PRRX1: variants seen among roughly 807,000 people sequenced by gnomAD.
PRRX1 encodes the protein paired related homeobox 1.
In PRRX1, 8 loss-of-function variants were observed where a neutral mutation model predicts 24.0. The observed-to-expected ratio is 0.33, with a 90% CI of 0.20 to 0.60. The LOEUF (loss-of-function observed/expected upper bound fraction) is 0.60. Among genes scored for constraint, PRRX1 ranks in the 20% least tolerant of loss-of-function variants. PRRX1 has a pLI of 0.82. For synonymous variants in PRRX1, 160 were observed against 131.7 expected (o/e 1.22, Z -1.47); for missense variants, 281 against 322.4 (o/e 0.87, Z 0.98).
intron 1 of PRRX1, among the ~76,000 whole-genome samples, chr1:170,689,835 T>C (rs1445690206): frequency 3.4e-5 from 2 of 59,600 alleles, no homozygotes; most frequent in South Asian, 5.9e-4. Flanking sequence ...TCTCTCTCTC[T>C]CTCCCTCTCT....
At chr1:170,702,002 G>A (rs1013511034) in intron 1 of PRRX1, among the ~76,000 whole-genome samples, 2 of 152,044 alleles carry the variant, frequency 1.3e-5, no homozygotes, top group Admixed American at 1.3e-4. Context: ...TCCATGGATG[G>A]GGGAAGGCGG....
chr1:170,723,834 G>A (rs1353897464), intron 2 of PRRX1, among the ~76,000 whole-genome samples: 2 of 152,198 alleles, frequency 1.3e-5, no homozygotes, highest in Non-Finnish European at 2.9e-5. Flanking sequence ...TTACTCTACT[G>A]AATAGTGTAG....
At chr1:170,677,549 A>T (rs902655659) in intron 1 of PRRX1, among the ~76,000 whole-genome samples, 1 of 152,248 alleles carries the variant, frequency 6.6e-6, no homozygotes, top group African/African-American at 2.4e-5. Context: ...GTTGGAGGCC[A>T]TTTAGTGCCA....
intron 1 of PRRX1, among the ~76,000 whole-genome samples, chr1:170,682,675 T>C (rs1223821980): frequency 6.6e-6 from 1 of 152,222 alleles, no homozygotes; most frequent in Non-Finnish European, 1.5e-5. Context: ...GTCATTATGC[T>C]AGGTTCTGGG....
chr1:170,692,274 T>C (rs1279768830), intron 1 of PRRX1, among the ~76,000 whole-genome samples: 1 of 152,122 alleles, frequency 6.6e-6, no homozygotes, highest in African/African-American at 2.4e-5. Flanking sequence ...TAAATCCTTA[T>C]GGGGTAAGAA....
At chr1:170,708,065 C>T (rs537587357) in intron 1 of PRRX1, among the ~76,000 whole-genome samples, 1 of 152,226 alleles carries the variant, frequency 6.6e-6, no homozygotes, top group South Asian at 2.1e-4. Context: ...TTTCTTAGGT[C>T]TTTCCTTCAT....
chr1:170,690,688 A>T (rs1289485703), intron 1 of PRRX1, among the ~76,000 whole-genome samples: 2 of 140,006 alleles, frequency 1.4e-5, no homozygotes, highest in Non-Finnish European at 1.6e-5. Context: ...TATAAATTAG[A>T]CTTTAAGTAT....
intron 1 of PRRX1, chr1:170,668,607 A>C (rs1653033819): frequency 6.6e-6 from 1 of 152,194 alleles, no homozygotes; most frequent in African/African-American, 2.4e-5. Flanking sequence ...TTGCTTGCCC[A>C]ATCTACCAGC....
Position 170,739,198 on chromosome 1 carries a change from C to T in PRRX1, c.*3012C>T, listed in dbSNP as rs1655716243. The T allele has an allele frequency of 4.9e-6, 1 of 204,492 alleles. No individual in the cohort carries two copies. The highest frequency in any genetic ancestry group is 2.3e-5 in the African/African-American group (1 of 43,850). 12.7% of individuals were successfully genotyped at this position (204,492 alleles called of 1,614,324 possible). A position where few individuals can be genotyped will look rare whatever the true frequency, so the allele number is the denominator to read the frequency against. On this transcript the variant is annotated 3_prime_UTR_variant, in exon 4 of 4. Transcript: ENST00000239461. ...CCTGTGTCCTCAATCTCCCTTCAAA[C>T]AAGATGCTGATTTGTAGGGTACTTG...
intron 1 of PRRX1, among the ~76,000 whole-genome samples, chr1:170,697,520 G>C (rs1571329735): frequency 6.6e-6 from 1 of 151,576 alleles, no homozygotes; most frequent in African/African-American, 2.4e-5. Flanking sequence ...GCATCATTCA[G>C]AGGTTTTTCT....
At chr1:170,681,050 A>C (rs1209445893) in intron 1 of PRRX1, among the ~76,000 whole-genome samples, 1 of 152,180 alleles carries the variant, frequency 6.6e-6, no homozygotes, top group African/African-American at 2.4e-5. Flanking sequence ...GATTCCACTT[A>C]ACTTGTGCCT....
chr1:170,666,428 A>AAAAAAAAAAAAG (rs1652934810), intron 1 of PRRX1, among the ~76,000 whole-genome samples: 1 of 151,508 alleles, frequency 6.6e-6, no homozygotes, highest in African/African-American at 2.4e-5. Flanking sequence ...AAAAAAAAAA[A>AAAAAAAAAAAAG]AAAAAAAAAA....
intron 1 of PRRX1, among the ~76,000 whole-genome samples, chr1:170,695,844 T>C (rs1056924150): frequency 2.0e-5 from 3 of 151,904 alleles, no homozygotes; most frequent in East Asian, 3.9e-4. Flanking sequence ...ATGCTTTTTT[T>C]CCCCCCCTCT....
chr1:170,709,881 T>A (rs1034340100), intron 1 of PRRX1, among the ~76,000 whole-genome samples: 12 of 152,214 alleles, frequency 7.9e-5, no homozygotes, highest in Non-Finnish European at 2.9e-5. Context: ...TGACTCATGG[T>A]TAAGAGGTCA....
chr1:170,709,272 G>A (rs1280399854), intron 1 of PRRX1, among the ~76,000 whole-genome samples: 2 of 152,104 alleles, frequency 1.3e-5, no homozygotes, highest in East Asian at 1.9e-4. Context: ...AAGGAGAAGG[G>A]GCCATTAATG....
At chr1:170,710,392 C>T (rs1045496549) in intron 1 of PRRX1, among the ~76,000 whole-genome samples, 1 of 152,176 alleles carries the variant, frequency 6.6e-6, no homozygotes, top group Admixed American at 6.5e-5. Context: ...CACTTGAGGG[C>T]TAACATCACA....
At chr1:170,675,459 A>G (rs1653288461) in intron 1 of PRRX1, among the ~76,000 whole-genome samples, 1 of 152,178 alleles carries the variant, frequency 6.6e-6, no homozygotes, top group African/African-American at 2.4e-5. Flanking sequence ...AATTTTTAAA[A>G]TTAAATATCT....
intron 1 of PRRX1, among the ~76,000 whole-genome samples, chr1:170,674,970 A>AT (rs1653266472): frequency 6.6e-6 from 1 of 152,082 alleles, no homozygotes; most frequent in South Asian, 2.1e-4. Context: ...TTCATTATTG[A>AT]TTTTTCTTTA....
intron 1 of PRRX1, among the ~76,000 whole-genome samples, chr1:170,716,814 C>T (rs1447189379): frequency 1.3e-5 from 2 of 152,282 alleles, no homozygotes; most frequent in South Asian, 2.1e-4. Flanking sequence ...TGTATTCAAC[C>T]AGAGCCAAGA....
Sources: gnomAD v4.1 joint callset for allele counts (sites outside exome capture counted in the v4.1 genomes callset) on GRCh38, gnomAD v4.1.1 for gene constraint, MANE v1.5 for transcripts, NCBI Gene and HGNC (gene_info 2026-07-23, HGNC 2026-07-21) for gene names.